The following ASCC3 variants were observed in gnomAD, a reference collection of about 807,000 sequenced individuals.
ASCC3 encodes the protein ASC-1 complex subunit P200.
A neutral mutation model predicts 256.3 loss-of-function variants in ASCC3; 158 were observed. The ratio of observed to expected loss-of-function variants is 0.62; its 90% CI spans 0.54 to 0.70. ASCC3 has a LOEUF of 0.70. Among genes scored for constraint, ASCC3 ranks in the 30% least tolerant of loss-of-function variants. The probability of loss-of-function intolerance (pLI) is 0.00; values close to 1 mark genes in which losing one functional copy is unlikely to be tolerated. For missense variants in ASCC3, 2,259 were observed against 2,626.0 expected (o/e 0.86, Z 3.05); for synonymous variants, 948 against 883.4 (o/e 1.07, Z -1.30).
rs377402076 is a variant in ASCC3, at chr6:100,583,330, G to C, written c.5550+6304C>G. ...TTAGTCTTGGGAGGGTGTATGTGTC[G>C]AGGAATTTATCCATTTCTTCTAGAT... On this transcript the variant is annotated intron_variant, in intron 36 of 41. Transcript: ENST00000369162. 3.4e-4 allele frequency among the ~76,000 whole-genome samples: 52 copies of C among 152,014 alleles called. No individual in the cohort carries two copies. The South Asian group carries it at 7.5e-3, about 22-fold the overall frequency.
At chr6:100,761,715 A>C (rs1781430612) in intron 10 of ASCC3, among the ~76,000 whole-genome samples, 2 of 152,194 alleles carry the variant, frequency 1.3e-5, no homozygotes, top group South Asian at 4.1e-4. Context: ...CTACAGCTTC[A>C]TTGGTGAAAG....
At chr6:100,522,431 A>G (rs190402173) in intron 37 of ASCC3, among the ~76,000 whole-genome samples, 173 of 152,252 alleles carry the variant, frequency 1.1e-3, no homozygotes, top group Non-Finnish European at 2.0e-3. Context: ...GGAGGTGATG[A>G]ATTTAATTTT....
intron 13 of ASCC3, among the ~76,000 whole-genome samples, chr6:100,684,491 G>A (rs145261226): frequency 6.6e-6 from 1 of 152,246 alleles, no homozygotes; most frequent in Non-Finnish European, 1.5e-5. Flanking sequence ...TAATGTTATT[G>A]TCCAGAAACT....
chr6:100,862,912 A>G (rs1241373186), intron 3 of ASCC3, among the ~76,000 whole-genome samples: 1 of 152,188 alleles, frequency 6.6e-6, no homozygotes, highest in Non-Finnish European at 1.5e-5. Context: ...TTAAGATTAG[A>G]ACAGAGCATT....
chr6:100,532,107 A>G (rs1157587897), intron 37 of ASCC3, among the ~76,000 whole-genome samples: 2 of 151,506 alleles, frequency 1.3e-5, no homozygotes, highest in Non-Finnish European at 2.9e-5. Context: ...CAATCTTTAT[A>G]ATATAGGTAC....
At chr6:100,564,470 C>T (rs1261104812) in intron 36 of ASCC3, among the ~76,000 whole-genome samples, 1 of 152,074 alleles carries the variant, frequency 6.6e-6, no homozygotes, top group Non-Finnish European at 1.5e-5. Context: ...TTTCTATGCT[C>T]AGCTTATTTC....
At chr6:100,521,600 T>C (rs2114622068) in intron 37 of ASCC3, among the ~76,000 whole-genome samples, 1 of 152,286 alleles carries the variant, frequency 6.6e-6, no homozygotes, top group South Asian at 2.1e-4. Flanking sequence ...AGGCATCCAC[T>C]GGGGGTCTTG....
chr6:100,663,478 CT>C (rs1776325504), intron 14 of ASCC3, among the ~76,000 whole-genome samples: 1 of 151,998 alleles, frequency 6.6e-6, no homozygotes, highest in South Asian at 2.1e-4. Flanking sequence ...TAGTAGTAGG[CT>C]TGGTTATCAG....
chr6:100,792,797 TAAC>T (rs1281332702), intron 8 of ASCC3, among the ~76,000 whole-genome samples: 1 of 151,966 alleles, frequency 6.6e-6, no homozygotes, highest in East Asian at 1.9e-4. Flanking sequence ...AAAATTGCAC[TAAC>T]AACTGACCTC....
chr6:100,614,975 G>A (rs997634073), intron 30 of ASCC3, among the ~76,000 whole-genome samples: 24 of 151,596 alleles, frequency 1.6e-4, no homozygotes, highest in Non-Finnish European at 3.1e-4. Context: ...TTGTTTGCTC[G>A]TTTGATATTT....
chr6:100,789,971 C>A (rs1380980351), intron 8 of ASCC3, among the ~76,000 whole-genome samples: 1 of 151,894 alleles, frequency 6.6e-6, no homozygotes, highest in African/African-American at 2.4e-5. Context: ...GATATTTGCA[C>A]CACTGGATCA....
chr6:100,820,770 GAACTCTT>G (rs931372643), intron 4 of ASCC3, among the ~76,000 whole-genome samples: 7 of 151,358 alleles, frequency 4.6e-5, no homozygotes, highest in Non-Finnish European at 1.0e-4. Context: ...AATATACAAT[GAACTCTT>G]ATAACTCAGT....
intron 14 of ASCC3, 37 bp downstream of exon 14, chr6:100,679,581 G>A (rs1777188614): frequency 6.2e-7 from 1 of 1,612,300 alleles, no homozygotes; most frequent in Non-Finnish European, 8.5e-7. Context: ...TATGTGGCAT[G>A]TTACATGCTT....
chr6:100,874,970 T>C (rs1773927183), intron 1 of ASCC3, among the ~76,000 whole-genome samples: 1 of 152,220 alleles, frequency 6.6e-6, no homozygotes, highest in Non-Finnish European at 1.5e-5. Context: ...CCTAAAAATG[T>C]AAGCAGAGAC....
intron 10 of ASCC3, among the ~76,000 whole-genome samples, chr6:100,764,127 C>T (rs1781537402): frequency 6.6e-6 from 1 of 152,156 alleles, no homozygotes; most frequent in African/African-American, 2.4e-5. Context: ...CTTGCATTAG[C>T]ATCAGTAACA....
chr6:100,854,047 TCTAAA>T (rs1449910529), intron 3 of ASCC3, among the ~76,000 whole-genome samples: 3 of 152,050 alleles, frequency 2.0e-5, no homozygotes, highest in African/African-American at 4.8e-5. Context: ...AAGTACAATA[TCTAAA>T]CTAGTCTCAT....
At position 100,867,925 on chromosome 6, in the gene ASCC3, C is replaced by T; in HGVS notation, c.73G>A (p.Glu25Lys). ...AAATCTACCTTTAAGTCAGCCACTT[C>T]TTCATTATAATTATCTTGCTTGGTG... ...NVTKQDNYNE[E>K]VADLKIKRSK... Residue 25 changes from glutamate to lysine, a missense_variant, in exon 2 of 42, where the codon GAA (glutamate) becomes AAA (lysine). This residue lies in a region of ASCC3 where 420 missense variants were observed against 419.3 expected (regional missense o/e 1.00). Coordinates refer to ENST00000369162, the MANE Select transcript of ASCC3 (RefSeq NM_006828.4). 1 of 1,613,352 alleles carries T rather than the reference C, an allele frequency of 6.2e-7. No homozygotes were observed. Among genetic ancestry groups the T allele is most frequent in the Non-Finnish European group, 8.5e-7 (1 of 1,179,402 alleles).
rs548211754 is a variant in ASCC3, at chr6:100,794,721, G to A, written c.1395+3992C>T. 4.6e-4 allele frequency among the ~76,000 whole-genome samples: 70 copies of A among 152,050 alleles called. 1 individual carries two copies. In the South Asian group the frequency reaches 0.012, roughly 25 times the overall value. On this transcript the variant is annotated intron_variant, in intron 8 of 41. Coordinates refer to ENST00000369162, the MANE Select transcript of ASCC3 (RefSeq NM_006828.4). ...TCAGATTTTATAGGACTCAATTATT[G>A]TAAATTTTAAAATGAAATATTATAT...
chr6:100,580,297 T>A (rs890372687), intron 36 of ASCC3, among the ~76,000 whole-genome samples: 9 of 152,018 alleles, frequency 5.9e-5, no homozygotes, highest in Admixed American at 1.3e-4. Context: ...ATAGCTCAGT[T>A]CAAGATTATA....
Sources: allele counts gnomAD v4.1 joint callset (sites outside exome capture counted in the v4.1 genomes callset), GRCh38; gene constraint gnomAD v4.1.1; regional missense constraint gnomAD v4.1.1; transcripts MANE v1.5; gene names NCBI Gene and HGNC (gene_info 2026-07-23, HGNC 2026-07-21).